Variants in EML4 observed in about 807,000 individuals in gnomAD.
EML4 encodes EMAP like 4, also known as echinoderm microtubule-associated protein-like 4.
Under a neutral mutation model 129.0 loss-of-function variants are expected in EML4, and 72 were observed. The ratio of observed to expected loss-of-function variants is 0.56; its 90% CI spans 0.46 to 0.68. EML4 has a LOEUF of 0.68. Among genes scored for constraint, EML4 ranks in the 30% least tolerant of loss-of-function variants. The pLI, the probability that EML4 is intolerant of heterozygous loss-of-function variation, is 0.00. For synonymous variants in EML4, 532 were observed against 405.0 expected, an observed-to-expected ratio of 1.31 and a Z score of -3.77; for missense variants, 1,363 against 1,190.6, an observed-to-expected ratio of 1.14 and a Z score of -2.13.
intron 19 of EML4, among the ~76,000 whole-genome samples, chr2:42,320,743 T>C (rs1182861232): frequency 6.6e-6 from 1 of 152,228 alleles, no homozygotes; most frequent in Non-Finnish European, 1.5e-5. Flanking sequence ...AAGGTTGTTT[T>C]ATTATGTACC....
chr2:42,217,432 T>C (rs1005319182), intron 1 of EML4, among the ~76,000 whole-genome samples: 1 of 152,240 alleles, frequency 6.6e-6, no homozygotes, highest in South Asian at 2.1e-4. Context: ...CTTCATGTTA[T>C]AGATTCAGTA....
At chr2:42,188,912 T>C (rs1337298815) in intron 1 of EML4, among the ~76,000 whole-genome samples, 2 of 152,180 alleles carry the variant, frequency 1.3e-5, no homozygotes, top group African/African-American at 4.8e-5. Flanking sequence ...GGAGGATCGC[T>C]TGAGCCCAGG....
intron 1 of EML4, among the ~76,000 whole-genome samples, chr2:42,188,498 A>G (rs1671395553): frequency 1.3e-5 from 2 of 152,086 alleles, no homozygotes; most frequent in South Asian, 4.2e-4. Flanking sequence ...CTGGGATTAC[A>G]GGCCGTGAAC....
intron 6 of EML4, among the ~76,000 whole-genome samples, chr2:42,277,296 A>G (rs913636245): frequency 3.3e-5 from 5 of 152,220 alleles, no homozygotes; most frequent in African/African-American, 7.2e-5. Flanking sequence ...AGAGTAAACT[A>G]TACAAATAAG....
chr2:42,222,178 G>C (rs1673647197), intron 1 of EML4, among the ~76,000 whole-genome samples: 1 of 152,008 alleles, frequency 6.6e-6, no homozygotes, highest in African/African-American at 2.4e-5. Context: ...CATTTGAGAG[G>C]AGATAGTTTT....
chr2:42,263,824 G>C (rs558720624), intron 5 of EML4, among the ~76,000 whole-genome samples: 2 of 152,114 alleles, frequency 1.3e-5, no homozygotes, highest in East Asian at 3.9e-4. Flanking sequence ...CCGCCTCCCA[G>C]GTGCAAGCGA....
At chr2:42,175,093 C>G (rs894090586) in intron 1 of EML4, among the ~76,000 whole-genome samples, 7 of 149,240 alleles carry the variant, frequency 4.7e-5, no homozygotes, top group Non-Finnish European at 1.0e-4. Flanking sequence ...GTGTGAGCCA[C>G]CGTGCCTGGC....
intron 2 of EML4, among the ~76,000 whole-genome samples, chr2:42,247,343 C>T (rs1302534447): frequency 6.6e-6 from 1 of 152,116 alleles, no homozygotes; most frequent in South Asian, 2.1e-4. Flanking sequence ...ATGGTTAAAG[C>T]GGAGAATGGA....
chr2:42,192,243 T>TG (rs369627234), intron 1 of EML4, among the ~76,000 whole-genome samples: 2,719 of 145,034 alleles, frequency 0.019, 85 homozygotes, highest in African/African-American at 0.058. Flanking sequence ...TTTTTTTTTT[T>TG]GGGGGGGGGA....
intron 18 of EML4, among the ~76,000 whole-genome samples, chr2:42,317,040 A>G (rs1669282019): frequency 6.6e-6 from 1 of 152,200 alleles, no homozygotes; most frequent in Admixed American, 6.5e-5. Flanking sequence ...ACCACAAAAG[A>G]AAGGAATATG....
intron 16 of EML4, among the ~76,000 whole-genome samples, chr2:42,304,261 GC>G (rs1423642452): frequency 6.6e-6 from 1 of 152,050 alleles, no homozygotes; most frequent in Non-Finnish European, 1.5e-5. Flanking sequence ...CCACTCCCTA[GC>G]CACAAGCTGG....
intron 19 of EML4, 191 bp from the exon 20 acceptor site, chr2:42,325,276 G>T (rs770752069): frequency 1.6e-6 from 1 of 625,204 alleles, no homozygotes; most frequent in Non-Finnish European, 3.1e-6. Flanking sequence ...AGATAGGCCA[G>T]AAAGTTTCTC....
intron 8 of EML4, among the ~76,000 whole-genome samples, chr2:42,284,111 C>T (rs1667162909): frequency 1.3e-5 from 2 of 152,112 alleles, no homozygotes; most frequent in South Asian, 2.1e-4. Context: ...AAGAATTTAG[C>T]GCTAAGAACT....
chr2:42,276,934 A>T (rs912461328), intron 6 of EML4, among the ~76,000 whole-genome samples: 1 of 152,250 alleles, frequency 6.6e-6, no homozygotes, highest in Admixed American at 6.5e-5. Context: ...TTTATATCAT[A>T]TCAGAAAAGT....
chr2:42,197,839 C>G (rs1558493677), intron 1 of EML4, among the ~76,000 whole-genome samples: 1 of 152,158 alleles, frequency 6.6e-6, no homozygotes, highest in Non-Finnish European at 1.5e-5. Context: ...CCACCTCAAA[C>G]CTTGTGTACT....
chr2:42,264,323 G>A (rs1025187460), intron 5 of EML4, among the ~76,000 whole-genome samples: 1 of 151,750 alleles, frequency 6.6e-6, no homozygotes, highest in Non-Finnish European at 1.5e-5. Flanking sequence ...TTGCCATGTT[G>A]CCCAGGCTGG....
intron 1 of EML4, among the ~76,000 whole-genome samples, chr2:42,206,167 C>A (rs1040138730): frequency 6.6e-6 from 1 of 152,142 alleles, no homozygotes; most frequent in African/African-American, 2.4e-5. Flanking sequence ...AGCATTCCCC[C>A]CCTCTGGTCC....
chr2:42,284,429 A>C (rs1200985757), intron 8 of EML4, among the ~76,000 whole-genome samples: 1 of 152,220 alleles, frequency 6.6e-6, no homozygotes, highest in African/African-American at 2.4e-5. Context: ...GTGTTTCATT[A>C]ATCTGTGCAG....
chr2:42,270,625 T>C (rs1666311484), intron 6 of EML4, among the ~76,000 whole-genome samples: 1 of 152,230 alleles, frequency 6.6e-6, no homozygotes, highest in Admixed American at 6.5e-5. Context: ...AGATATATAA[T>C]AGCGGTGTCC....
Sources: gnomAD v4.1 joint callset for allele counts (sites outside exome capture counted in the v4.1 genomes callset) on GRCh38, gnomAD v4.1.1 for gene constraint, MANE v1.5 for transcripts, NCBI Gene and HGNC (gene_info 2026-07-23, HGNC 2026-07-21) for gene names.